The following IVD variants were observed in gnomAD, a reference collection of about 807,000 sequenced individuals.
IVD encodes the protein isovaleryl-CoA dehydrogenase, mitochondrial.
In IVD, 31 loss-of-function variants were observed where a neutral mutation model predicts 51.3. The observed-to-expected ratio is 0.60, with a 90% CI of 0.45 to 0.81. The LOEUF is 0.81. Among genes scored for constraint, IVD ranks in the 40% least tolerant of loss-of-function variants. IVD has a pLI of 0.00. For synonymous variants in IVD, 205 were observed against 219.4 expected (o/e 0.93, Z 0.58); for missense variants, 475 against 552.0 (o/e 0.86, Z 1.40).
chr15:40,415,066 T>G lies in IVD; in HGVS notation c.878+84T>G. On this transcript the variant is annotated intron_variant, in intron 8 of 11. Coordinates refer to ENST00000487418, the MANE Select transcript of IVD (RefSeq NM_002225.5). ...ACCATGAGCAGCAGCAGCCTTCCCC[T>G]TGCGGGGCCAAAGGGAGCTGCCTCT... The G allele has an allele frequency of 2.0e-6, 3 of 1,518,528 alleles. No individual in the cohort carries two copies. In the South Asian group the frequency reaches 3.5e-5, roughly 18 times the overall value. The allele number at this position is 1,518,528 out of a possible 1,614,324, so 94.1% of individuals were successfully genotyped here. A position where few individuals can be genotyped will look rare whatever the true frequency, so the allele number is the denominator to read the frequency against.
In IVD at chr15:40,420,982, C is replaced by T; in HGVS notation, c.*2719C>T. ...TCCTGGCCTGCAGCCAAGTGCTGTT[C>T]CTAGCCTGAGGCTTGAGACAGGTGG... On this transcript the variant is annotated 3_prime_UTR_variant, in exon 12 of 12. Transcript: ENST00000487418. The T allele has an allele frequency of 2.0e-6, 2 of 985,510 alleles. No individual in the cohort carries two copies. Among genetic ancestry groups the T allele is most frequent in the East Asian group, 1.1e-4 (1 of 8,816 alleles). 61.0% of individuals were successfully genotyped at this position (985,510 alleles called of 1,614,324 possible).
At chr15:40,422,585 CTTTTTTTTTTTTTTT>C (rs1157351420), downstream of IVD, among the ~76,000 whole-genome samples, 31 of 69,156 alleles carry the variant, frequency 4.5e-4, no homozygotes, top group South Asian at 6.9e-3. Context: ...GCCCGGCCGA[CTTTTTTTTTTTTTTT>C]TTTTTTTTTT....
At chr15:40,428,626 G>A (rs1892801235), downstream of IVD, among the ~76,000 whole-genome samples, 1 of 152,100 alleles carries the variant, frequency 6.6e-6, no homozygotes, top group Non-Finnish European at 1.5e-5. Context: ...GGCCCTCCAG[G>A]CTGTCAGAGA....
In IVD at chr15:40,418,231, A is replaced by T; in HGVS notation, c.1240A>T (p.Ile414Phe). 6.2e-7 allele frequency: 1 copy of T among 1,614,214 alleles called. No individual in the cohort carries two copies. The highest frequency in any genetic ancestry group is 8.5e-7 in the Non-Finnish European group (1 of 1,180,038). ...AGTSEVRRLV[I>F]GRAFNADFH Reference sequence around the variant, plus strand: ...GACCAGCGAGGTGAGGCGGCTGGTCATCGGCAGAGCCTTCAATGCAGACTT... The same window carrying T: ...GACCAGCGAGGTGAGGCGGCTGGTCTTCGGCAGAGCCTTCAATGCAGACTT... Residue 414 changes from isoleucine to phenylalanine, a missense_variant, in exon 12 of 12, where the codon ATC becomes TTC. Transcript: ENST00000487418.
At position 40,407,683 on chromosome 15, in the gene IVD, G is replaced by C; in HGVS notation, c.192G>C (p.Lys64Asn). 6.2e-7 allele frequency: 1 copy of C among 1,614,220 alleles called. No individual in the cohort carries two copies. The highest frequency in any genetic ancestry group is 8.5e-7 in the Non-Finnish European group (1 of 1,180,042). Residue 64 changes from lysine to asparagine, a missense_variant, in exon 2 of 12, where the codon AAG (lysine) becomes AAC (asparagine). By Grantham distance (94) the Lys-to-Asn change is moderately conservative. Transcript: ENST00000487418. ...TCCTTCAGGAGCACCTGGCCCCCAAGGCCCAGGAGATCGATCGCAGCAATG... is the reference window on the plus strand; with the variant it reads ...TCCTTCAGGAGCACCTGGCCCCCAACGCCCAGGAGATCGATCGCAGCAATG... ...AKFLQEHLAPKAQEIDRSNEF... is the reference protein window; with the variant it reads ...AKFLQEHLAPNAQEIDRSNEF...
chr15:40,408,067 G>A, intron 3 of IVD, 77 bp downstream of exon 3: 9 of 1,392,284 alleles, frequency 6.5e-6, no homozygotes, highest in Non-Finnish European at 8.2e-6. Flanking sequence ...AGCAGGAAGG[G>A]AAGGGAAAGA....
At chr15:40,435,557 C>A, downstream of IVD, 3 of 1,161,752 alleles carry the variant, frequency 2.6e-6, no homozygotes, top group Non-Finnish European at 3.3e-6. Context: ...GCTGCTCCCC[C>A]AACTCGCCTC....
rs1893212258 is a variant in IVD, at chr15:40,435,414, T to C, written c.781-3T>C. On this transcript the variant is annotated splice_region_variant and splice_polypyrimidine_tract_variant and intron_variant, in intron 8 of 8. Transcript: ENST00000473112. ...CGCTAAAAGAGGGCTCTCTTTCCCC[T>C]AGGGCAGACCTTTTCCGCCCAACAC... The C allele has an allele frequency of 6.8e-6, 8 of 1,183,738 alleles. 1 individual carries two copies. The African/African-American group carries it at 9.6e-5, about 14-fold the overall frequency. The allele number at this position is 1,183,738 out of a possible 1,614,324, so 73.3% of individuals were successfully genotyped here. A position where few individuals can be genotyped will look rare whatever the true frequency, so the allele number is the denominator to read the frequency against.
chr15:40,409,842 T>C (rs1372337096), intron 3 of IVD, among the ~76,000 whole-genome samples: 3 of 150,058 alleles, frequency 2.0e-5, no homozygotes, highest in Non-Finnish European at 3.0e-5. Context: ...TTTCTTTTTT[T>C]TTTTTTTTTT....
intron 7 of IVD, chr15:40,433,822 G>T (rs1213212464): frequency 2.2e-6 from 1 of 456,474 alleles, no homozygotes; most frequent in South Asian, 1.5e-5. Context: ...CACAAACTCT[G>T]GACCATGTTT....
downstream of IVD, among the ~76,000 whole-genome samples, chr15:40,427,173 T>C (rs1174750572): frequency 2.6e-5 from 4 of 152,212 alleles, no homozygotes; most frequent in Non-Finnish European, 4.4e-5. Context: ...CTGCCCTTGC[T>C]GGCAGAAGAA....
At chr15:40,407,154 T>G (rs1890531482) in intron 1 of IVD, among the ~76,000 whole-genome samples, 1 of 152,220 alleles carries the variant, frequency 6.6e-6, no homozygotes, top group African/African-American at 2.4e-5. Context: ...TGAGCCACCA[T>G]GCCCAGCCGC....
At position 40,420,679 on chromosome 15, in the gene IVD, A is replaced by C. The variant is rs1014697474; in HGVS notation, c.*2416A>C. 27 of 987,204 alleles carry C rather than the reference A, an allele frequency of 2.7e-5. No individual in the cohort carries two copies. Among genetic ancestry groups the C allele is most frequent in the African/African-American group, 5.2e-5 (3 of 57,324 alleles). 61.2% of individuals were successfully genotyped at this position (987,204 alleles called of 1,614,324 possible). On this transcript the variant is annotated 3_prime_UTR_variant, in exon 12 of 12. Coordinates refer to ENST00000487418, the MANE Select transcript of IVD (RefSeq NM_002225.5). ...AGAGTGCTAAGTTCTTACAGCCAGA[A>C]GGAAGCTTATAGATTTCTGAAAACC...
At chr15:40,407,366 G>A (rs1027378777) in intron 1 of IVD, among the ~76,000 whole-genome samples, 2 of 152,268 alleles carry the variant, frequency 1.3e-5, no homozygotes, top group Non-Finnish European at 2.9e-5. Context: ...GCCTGGGTGA[G>A]AAGCTTGTGT....
rs1566939847 is a variant in IVD, at chr15:40,414,991, G to A, written c.878+9G>A. On this transcript the variant is annotated intron_variant, in intron 8 of 11. Transcript: ENST00000487418. Reference sequence around the variant, plus strand: ...GCCGGGGGGCCTCTTGGGTAAGTGTGAGAGGCTTGAGGGAAGCTGGGCTCT... The same window carrying A: ...GCCGGGGGGCCTCTTGGGTAAGTGTAAGAGGCTTGAGGGAAGCTGGGCTCT... 1.9e-6 allele frequency: 3 copies of A among 1,613,292 alleles called. No homozygotes were observed. Among genetic ancestry groups the A allele is most frequent in the Non-Finnish European group, 1.7e-6 (2 of 1,179,834 alleles).
chr15:40,415,143 A>G (rs1460250959), intron 8 of IVD, 161 bp downstream of exon 8: 1 of 845,276 alleles, frequency 1.2e-6, no homozygotes, highest in Non-Finnish European at 1.8e-6. Flanking sequence ...CCCATGTTGA[A>G]TTTCTTCCCA....
downstream of IVD, among the ~76,000 whole-genome samples, chr15:40,422,525 T>G (rs1416332487): frequency 7.0e-6 from 1 of 142,212 alleles, no homozygotes; most frequent in African/African-American, 2.6e-5. Context: ...CCTCATGATC[T>G]ACCCACCTCG....
rs1195592090 is a variant in IVD, at chr15:40,413,776, CA to C, written c.784+690del. Among the ~76,000 whole-genome samples, 4 of 152,170 alleles carry C rather than the reference CA, an allele frequency of 2.6e-5. No homozygotes were observed. The East Asian group carries it at 7.7e-4, about 29-fold the overall frequency. ...CGTGATCTCAGCTCACGGCAGCCTC[CA>C]CCTCCTGGGTTCCAGTGATTCTCCT... On this transcript the variant is annotated intron_variant, in intron 7 of 11. Transcript: ENST00000487418.
At chr15:40,432,111 G>A (rs924613723) in intron 7 of IVD, among the ~76,000 whole-genome samples, 7 of 151,942 alleles carry the variant, frequency 4.6e-5, no homozygotes, top group East Asian at 1.9e-4. Context: ...CTACAGATGC[G>A]TGTCACCACA....
Sources: allele counts gnomAD v4.1 joint callset (sites outside exome capture counted in the v4.1 genomes callset), GRCh38; gene constraint gnomAD v4.1.1; transcripts MANE v1.5; gene names NCBI Gene and HGNC (gene_info 2026-07-23, HGNC 2026-07-21).